NUBP1: variants seen among roughly 807,000 people sequenced by gnomAD.
The protein encoded by NUBP1 is cytosolic Fe-S cluster assembly factor NUBP1.
In NUBP1, 46 loss-of-function variants were observed where a neutral mutation model predicts 41.8. That is an observed-to-expected ratio of 1.10 (90% CI 0.87 to 1.41). The LOEUF is 1.41. Among genes scored for constraint, NUBP1 ranks in the 40% most tolerant of loss-of-function variants. The probability of loss-of-function intolerance (pLI) is 0.00; values close to 1 mark genes in which losing one functional copy is unlikely to be tolerated. For synonymous variants in NUBP1, 189 were observed against 154.6 expected, an observed-to-expected ratio of 1.22 and a Z score of -1.65; for missense variants, 494 against 414.0, an observed-to-expected ratio of 1.19 and a Z score of -1.68.
At position 10,756,775 on chromosome 16, in the gene NUBP1, A is replaced by C; in HGVS notation, c.446A>C (p.Lys149Thr). 2 of 1,591,710 alleles carry C rather than the reference A, an allele frequency of 1.3e-6. No individual in the cohort carries two copies. Among genetic ancestry groups the C allele is most frequent in the Non-Finnish European group, 1.7e-6 (2 of 1,171,752 alleles). The change falls in exon 6 of 11, where the codon AAA (lysine) becomes ACA (threonine). Residue 149 changes from lysine to threonine, a missense_variant. By Grantham distance (78) the Lys-to-Thr change is moderately conservative. Transcript: ENST00000283027. ...GCTGTTATCTGGAGGGGACCCAAGA[A>C]AAACGGTTTGCCACTCTGCCTTTTT... Reference protein sequence around the residue: ...DDAVIWRGPKKNGMIKQFLRD... With the variant: ...DDAVIWRGPKTNGMIKQFLRD...
Position 10,765,572 on chromosome 16 carries a change from G to A in NUBP1, c.821-2377G>A, listed in dbSNP as rs1297134952. 6.6e-6 allele frequency among the ~76,000 whole-genome samples: 1 copy of A among 152,152 alleles called. No individual in the cohort carries two copies. Among genetic ancestry groups the A allele is most frequent in the Non-Finnish European group, 1.5e-5 (1 of 68,016 alleles). On this transcript the variant is annotated intron_variant, in intron 9 of 10. Transcript: ENST00000283027. The surrounding 1 kb of genome is among the most constrained non-coding windows in gnomAD (Gnocchi z 4.0). ...AAATATGTCCACGGGCCCAGCCACA[G>A]GCCTGCCCTTGCCATTGTCTGACAG...
intron 9 of NUBP1, chr16:10,762,075 G>A (rs1036128766): frequency 2.0e-6 from 1 of 497,896 alleles, no homozygotes; most frequent in South Asian, 2.7e-5. Flanking sequence ...GCAGGCCTCA[G>A]GCAGAGGGGT....
At chr16:10,748,434 C>T (rs891393415) in intron 3 of NUBP1, among the ~76,000 whole-genome samples, 1 of 152,100 alleles carries the variant, frequency 6.6e-6, no homozygotes, top group African/African-American at 2.4e-5. Flanking sequence ...CCACTGCTGC[C>T]CTCTGGATCT....
At position 10,744,487 on chromosome 16, in the gene NUBP1, T is replaced by C. The variant is rs535277830; in HGVS notation, c.124+422T>C. ...TACTTTCTTGACACAATTTTCTTCC[T>C]TTTGAGGAGTGATTCTCCCACTCAT... On this transcript the variant is annotated intron_variant, in intron 2 of 10. Coordinates refer to ENST00000283027, the MANE Select transcript of NUBP1 (RefSeq NM_002484.4). Among the ~76,000 whole-genome samples the C allele has an allele frequency of 4.6e-5, 7 of 152,356 alleles. No individual in the cohort carries two copies. The South Asian group carries it at 1.4e-3, about 32-fold the overall frequency.
chr16:10,763,353 G>T (rs548417649), intron 9 of NUBP1, among the ~76,000 whole-genome samples: 1 of 152,084 alleles, frequency 6.6e-6, no homozygotes, highest in African/African-American at 2.4e-5. Context: ...GAAGTGGTAG[G>T]GGGGTAGGGT....
intron 3 of NUBP1, among the ~76,000 whole-genome samples, chr16:10,747,504 G>C (rs1316808789): frequency 6.6e-6 from 1 of 152,228 alleles, no homozygotes; most frequent in East Asian, 1.9e-4. Context: ...GCGTGGTAGC[G>C]CAGGCTTGTA....
Position 10,769,272 on chromosome 16 carries a change from TG to T in NUBP1, c.*168del. 1.7e-6 allele frequency: 1 copy of T among 599,672 alleles called. No homozygotes were observed. Among genetic ancestry groups the T allele is most frequent in the Admixed American group, 3.0e-5 (1 of 33,174 alleles). The allele number at this position is 599,672 out of a possible 1,614,324, so 37.1% of individuals were successfully genotyped here. A position where few individuals can be genotyped will look rare whatever the true frequency, so the allele number is the denominator to read the frequency against. On this transcript the variant is annotated 3_prime_UTR_variant, in exon 11 of 11. Transcript: ENST00000283027. ...AGAGACACTTTAATCATTGAGTATT[TG>T]TACACTTTTCTTTAGAACATATATA... is the stretch of plus-strand genomic sequence containing the variant.
chr16:10,756,373 A>C (rs1900554718), intron 5 of NUBP1, among the ~76,000 whole-genome samples: 1 of 148,098 alleles, frequency 6.8e-6, no homozygotes, highest in Non-Finnish European at 1.5e-5. Context: ...GCCAGACTTC[A>C]TCTCAAAAAA....
intron 9 of NUBP1, among the ~76,000 whole-genome samples, chr16:10,762,855 G>GA (rs1328716324): frequency 6.6e-6 from 1 of 152,160 alleles, no homozygotes; most frequent in Non-Finnish European, 1.5e-5. Flanking sequence ...TGGAGGCGGG[G>GA]AGGGCGGAGG....
chr16:10,758,420 C>T (rs148203816), intron 7 of NUBP1, among the ~76,000 whole-genome samples: 37 of 152,332 alleles, frequency 2.4e-4, no homozygotes, highest in African/African-American at 7.9e-4. Context: ...TTGCAGTGAG[C>T]CATGATCACG....
At chr16:10,761,587 G>C in intron 8 of NUBP1, 113 bp downstream of exon 8, 1 of 1,063,832 alleles carries the variant, frequency 9.4e-7, no homozygotes, top group Admixed American at 2.4e-5. Context: ...TTGGGAAGTG[G>C]AATCACAATT....
chr16:10,758,015 C>T lies in NUBP1; in HGVS notation c.594C>T (p.Ile198=), dbSNP rs371722394. The T allele has an allele frequency of 3.7e-6, 6 of 1,613,588 alleles. No individual in the cohort carries two copies. In the African/African-American group the frequency reaches 8.0e-5, roughly 22 times the overall value. Residue 198 remains isoleucine, a synonymous_variant, in exon 7 of 11, where the codon ATC becomes ATT. Coordinates refer to ENST00000283027, the MANE Select transcript of NUBP1 (RefSeq NM_002484.4). The part of the protein sequence containing the change: ...ATAHIDGAVI[I]TTPQEVSLQD... ...CACACATCGATGGAGCAGTGATCAT[C>T]ACCACTCCCCAGGTGAGCGAGCTGC...
chr16:10,744,383 A>G (rs1310062322), intron 2 of NUBP1, among the ~76,000 whole-genome samples: 1 of 152,210 alleles, frequency 6.6e-6, no homozygotes. Flanking sequence ...GGTTTGAGTG[A>G]CAATAACAGA....
chr16:10,757,349 T>C lies in NUBP1; in HGVS notation c.452-524T>C, dbSNP rs1035557043. ...TTATCATGGTTTTATAGTGGCTTAT[T>C]TGGGTCAGAGAGGTGAGATCAACAG... is the stretch of plus-strand genomic sequence containing the variant. On this transcript the variant is annotated intron_variant, in intron 6 of 10. Coordinates refer to ENST00000283027, the MANE Select transcript of NUBP1 (RefSeq NM_002484.4). This position sits in a 1 kb window ranked among gnomAD's most constrained non-coding sequence, Gnocchi z 4.1. 2.6e-5 allele frequency among the ~76,000 whole-genome samples: 4 copies of C among 152,266 alleles called. No homozygotes were observed. The highest frequency in any genetic ancestry group is 2.6e-4 in the Admixed American group (4 of 15,294).
chr16:10,756,680 C>A lies in NUBP1; in HGVS notation c.361-10C>A. 1 of 1,545,466 alleles carries A rather than the reference C, an allele frequency of 6.5e-7. No individual in the cohort carries two copies. Among genetic ancestry groups the A allele is most frequent in the South Asian group, 1.3e-5 (1 of 79,280 alleles). ...AAGCGTGTCTTGCCCTCACCCTGTT[C>A]CCTCTGCAGTACGTGGAAGACAACC... On this transcript the variant is annotated splice_polypyrimidine_tract_variant and intron_variant, in intron 5 of 10. Coordinates refer to ENST00000283027, the MANE Select transcript of NUBP1 (RefSeq NM_002484.4).
At chr16:10,755,039 C>T (rs945306732) in intron 4 of NUBP1, among the ~76,000 whole-genome samples, 2 of 152,102 alleles carry the variant, frequency 1.3e-5, no homozygotes, top group Non-Finnish European at 2.9e-5. Context: ...GGCAAGACCC[C>T]ATCTCAAAAA....
At chr16:10,764,549 G>A (rs926172231) in intron 9 of NUBP1, among the ~76,000 whole-genome samples, 1 of 150,818 alleles carries the variant, frequency 6.6e-6, no homozygotes, top group African/African-American at 2.5e-5. Context: ...TGGAGTATTT[G>A]TCTATTGGAG....
In NUBP1 at chr16:10,765,362, C is replaced by A. The variant is rs569664611; in HGVS notation, c.821-2587C>A. Among the ~76,000 whole-genome samples the A allele has an allele frequency of 6.7e-6, 1 of 148,340 alleles. No homozygotes were observed. Among genetic ancestry groups the A allele is most frequent in the South Asian group, 2.1e-4 (1 of 4,718 alleles). On this transcript the variant is annotated intron_variant, in intron 9 of 10. Transcript: ENST00000283027. This position sits in a 1 kb window ranked among gnomAD's most constrained non-coding sequence, Gnocchi z 4.0. ...AAAAAAAAAAAAAGGAAAAAATTCACCCAGTGTGGTGGCATGTGCCTGTGG... is the reference window on the plus strand; with the variant it reads ...AAAAAAAAAAAAAGGAAAAAATTCAACCAGTGTGGTGGCATGTGCCTGTGG...
At position 10,756,694 on chromosome 16, in the gene NUBP1, T is replaced by A. The variant is rs1193531255; in HGVS notation, c.365T>A (p.Val122Glu). 5.7e-6 allele frequency: 9 copies of A among 1,567,520 alleles called. No individual in the cohort carries two copies. Among genetic ancestry groups the A allele is most frequent in the Non-Finnish European group, 7.7e-6 (9 of 1,162,754 alleles). Residue 122 changes from valine to glutamate, a missense_variant, in exon 6 of 11, where the codon GTG becomes GAG. Transcript: ENST00000283027. ...QSGSGWSPVYVEDNLGVMSVG... is the reference protein window; with the variant it reads ...QSGSGWSPVYEEDNLGVMSVG... Reference sequence around the variant, plus strand: ...CTCACCCTGTTCCCTCTGCAGTACGTGGAAGACAACCTGGGGGTGATGTCA... The same window carrying A: ...CTCACCCTGTTCCCTCTGCAGTACGAGGAAGACAACCTGGGGGTGATGTCA...
Sources: gnomAD v4.1 joint callset for allele counts (sites outside exome capture counted in the v4.1 genomes callset) on GRCh38, gnomAD v4.1.1 for gene constraint, Gnocchi (gnomAD v3.1) non-coding constraint, MANE v1.5 for transcripts, NCBI Gene and HGNC (gene_info 2026-07-23, HGNC 2026-07-21) for gene names.